The following ITGA10 variants were observed in gnomAD, a reference collection of about 807,000 sequenced individuals.
ITGA10 encodes the protein integrin alpha-10.
Under a neutral mutation model 145.2 loss-of-function variants are expected in ITGA10, and 105 were observed. That is an observed-to-expected ratio of 0.72 (90% CI 0.62 to 0.85). The LOEUF (loss-of-function observed/expected upper bound fraction) is 0.85, where lower values mean the gene tolerates loss of function less well. ITGA10 is among the 40% of genes least tolerant of loss of function. The pLI is 0.00. For missense variants in ITGA10, 1,317 were observed against 1,444.5 expected, an observed-to-expected ratio of 0.91 and a Z score of 1.43; for synonymous variants, 506 against 557.8, an observed-to-expected ratio of 0.91 and a Z score of 1.31.
At chr1:145,906,129 A>C in intron 5 of ITGA10, 1 of 335,980 alleles carries the variant, frequency 3.0e-6, no homozygotes, top group Non-Finnish European at 5.6e-6. Context: ...GAGTTTCACC[A>C]TGTTGGCCAG....
At position 145,900,950 on chromosome 1, in the gene ITGA10, G is replaced by A. The variant is rs782083233; in HGVS notation, c.1631C>T (p.Pro544Leu). 2 of 1,614,036 alleles carry A rather than the reference G, an allele frequency of 1.2e-6. No homozygotes were observed. Among genetic ancestry groups the A allele is most frequent in the South Asian group, 1.1e-5 (1 of 91,084 alleles). ...GGCAAAGCCAAACCGAGCATCCTGG[G>A]GGGGTTCTGGCTGAAGTGTTCCTTG... is the stretch of plus-strand genomic sequence containing the variant. ...TLQGTLQPEP[P>L]QDARFGFAMG... Residue 544 changes from proline to leucine, a missense_variant, in exon 14 of 30, where the codon CCC (proline) becomes CTC (leucine). Coordinates refer to ENST00000369304, the MANE Select transcript of ITGA10 (RefSeq NM_003637.5).
chr1:145,901,230 C>G lies in ITGA10; in HGVS notation c.1492G>C (p.Asp498His). ...ACAAGTAAGACATCAGTTGTTCCAT[C>G]CCTATCTGTATCCAATGGGCAGAGC... ...SELCPLDTDR[D>H]GTTDVLLVAA... Residue 498 changes from aspartate (D) to histidine (H), a missense_variant, in exon 13 of 30, where the codon GAT (aspartate) becomes CAT (histidine). Transcript: ENST00000369304. The surrounding 1 kb of genome is among the most constrained non-coding windows in gnomAD (Gnocchi z 4.3). The G allele has an allele frequency of 6.2e-7, 1 of 1,614,086 alleles. No homozygotes were observed. The highest frequency in any genetic ancestry group is 8.5e-7 in the Non-Finnish European group (1 of 1,180,012).
chr1:145,904,799 T>A lies in ITGA10; in HGVS notation c.494A>T (p.Tyr165Phe), dbSNP rs782133635. ...ATCCAAGACAATGACAACATCCATG[T>A]ATGTTGGGCAGCCTAGAAGGAAGGA... ...LAPTAQRCPT[Y>F]MDVVIVLDGS... is the part of the protein sequence containing the mutation. Residue 165 changes from tyrosine to phenylalanine, a missense_variant, in exon 6 of 30, where the codon TAC (tyrosine) becomes TTC (phenylalanine). Tyr to Phe is a conservative substitution (Grantham distance 22, BLOSUM62 3). Coordinates refer to ENST00000369304, the MANE Select transcript of ITGA10 (RefSeq NM_003637.5). The A allele has an allele frequency of 6.8e-6, 11 of 1,613,590 alleles. No homozygotes were observed. The Admixed American group carries it at 1.8e-4, about 27-fold the overall frequency.
At chr1:145,899,979 T>C in intron 15 of ITGA10, 78 bp downstream of exon 15, 1 of 1,453,336 alleles carries the variant, frequency 6.9e-7, no homozygotes, top group South Asian at 1.4e-5. Context: ...AAACCAAATC[T>C]CCATCTGTGA....
intron 7 of ITGA10, among the ~76,000 whole-genome samples, chr1:145,903,471 T>C (rs1559208238): frequency 6.6e-6 from 1 of 152,080 alleles, no homozygotes; most frequent in Non-Finnish European, 1.5e-5. Context: ...GAGACTTCTG[T>C]CTGTGAAATA....
rs782663102 is a variant in ITGA10, at chr1:145,900,165, G to A, written c.1814C>T (p.Pro605Leu). 6.2e-7 allele frequency: 1 copy of A among 1,613,550 alleles called. No individual in the cohort carries two copies. The change falls in exon 15 of 30, where the codon CCA becomes CTA. Residue 605 changes from proline to leucine, a missense_variant. Transcript: ENST00000369304. ...PAQRIAAASM[P>L]HALSYFGRSV... The stretch of plus-strand genomic sequence containing the variant: ...TCGGCCAAAGTAGCTGAGGGCATGT[G>A]GCATGGAGGCAGCAGCAATCCTCTG...
At chr1:145,904,536 T>C (rs781790313) in intron 6 of ITGA10, 148 bp downstream of exon 6, 6 of 844,978 alleles carry the variant, frequency 7.1e-6, no homozygotes, top group Non-Finnish European at 1.1e-5. Flanking sequence ...GCCTGGCTAT[T>C]TTTTTTTTCT....
In ITGA10 at chr1:145,904,664, C is replaced by T. The variant is rs782306346; in HGVS notation, c.609+20G>A. 4 of 1,613,534 alleles carry T rather than the reference C, an allele frequency of 2.5e-6. No homozygotes were observed. Among genetic ancestry groups the T allele is most frequent in the Non-Finnish European group, 3.4e-6 (4 of 1,179,654 alleles). On this transcript the variant is annotated intron_variant, in intron 6 of 29. Coordinates refer to ENST00000369304, the MANE Select transcript of ITGA10 (RefSeq NM_003637.5). ...AGGTGCCACAAGCAACTGTGCCCAG[C>T]TCATATTGCCTTCTCTTACCTGTAT...
At position 145,897,666 on chromosome 1, in the gene ITGA10, A is replaced by T; in HGVS notation, c.2433-13T>A. On this transcript the variant is annotated splice_polypyrimidine_tract_variant and intron_variant, in intron 19 of 29. Transcript: ENST00000369304. ...AAATGGGGCCTTCCTGGGAATGATG[A>T]ATGAGGGAGAGACCAGGAGTTGAAG... is the stretch of plus-strand genomic sequence containing the variant. 6.2e-7 allele frequency: 1 copy of T among 1,614,004 alleles called. No individual in the cohort carries two copies. The highest frequency in any genetic ancestry group is 1.3e-5 in the African/African-American group (1 of 74,968).
At chr1:145,894,697 T>G (rs1185852920) in intron 27 of ITGA10, among the ~76,000 whole-genome samples, 4 of 152,198 alleles carry the variant, frequency 2.6e-5, no homozygotes, top group Admixed American at 2.0e-4. Flanking sequence ...TCTCCCTGGC[T>G]TCAGAGGCCT....
rs151338211 is a variant in ITGA10 at position 145,902,591 on chromosome 1, C to T, written c.938G>A (p.Arg313Gln). ...AVLGHYLRRQRDPSSFLREIR... is the reference protein window; with the variant it reads ...AVLGHYLRRQQDPSSFLREIR... ...TTCTCTCAGGAAAGAGCTGGGATCTCGCTGCCGCCGGAGGTAGTGACCAAG... is the reference window on the plus strand; with the variant it reads ...TTCTCTCAGGAAAGAGCTGGGATCTTGCTGCCGCCGGAGGTAGTGACCAAG... Residue 313 changes from arginine to glutamine, a missense_variant, in exon 9 of 30, where the codon CGA becomes CAA. By Grantham distance (43) the Arg-to-Gln change is conservative (BLOSUM62 1). Coordinates refer to ENST00000369304, the MANE Select transcript of ITGA10 (RefSeq NM_003637.5). The T allele has an allele frequency of 6.2e-6, 10 of 1,609,724 alleles. No homozygotes were observed. The highest frequency in any genetic ancestry group is 3.3e-4 in the Middle Eastern group (2 of 6,070).
In ITGA10 at chr1:145,902,508, C is replaced by T. The variant is rs377123578; in HGVS notation, c.1021G>A (p.Ala341Thr). Residue 341 changes from alanine (A) to threonine (T), a missense_variant, in exon 9 of 30, where the codon GCT becomes ACT. By Grantham distance (58) the Ala-to-Thr change is moderately conservative (BLOSUM62 0). Transcript: ENST00000369304. ...ERFFFNVTDE[A>T]ALTDIVDALG... Reference sequence around the variant, plus strand: ...GCATCCACAATGTCAGTCAGAGCAGCCTCATCTGTGACATTGAAGAAGAAT... The same window carrying T: ...GCATCCACAATGTCAGTCAGAGCAGTCTCATCTGTGACATTGAAGAAGAAT... 6.2e-7 allele frequency: 1 copy of T among 1,613,838 alleles called. No individual in the cohort carries two copies. Among genetic ancestry groups the T allele is most frequent in the African/African-American group, 1.3e-5 (1 of 75,020 alleles).
intron 1 of ITGA10, among the ~76,000 whole-genome samples, chr1:145,908,374 T>TA (rs1178356555): frequency 6.6e-6 from 1 of 152,244 alleles, no homozygotes; most frequent in East Asian, 1.9e-4. Flanking sequence ...CCCACACACA[T>TA]AGTTTGCCAT....
intron 14 of ITGA10, 122 bp downstream of exon 14, chr1:145,900,668 C>A: frequency 1.0e-6 from 1 of 994,516 alleles, no homozygotes; most frequent in Non-Finnish European, 1.5e-6. Context: ...TATGTTTTTG[C>A]CTACTAATAA....
rs140492040 is a variant in ITGA10 at position 145,907,297 on chromosome 1, C to T, written c.164+57G>A. The T allele has an allele frequency of 7.6e-5, 123 of 1,613,552 alleles. No individual in the cohort carries two copies. The East Asian group carries it at 2.7e-3, about 35-fold the overall frequency. ...GTTTAGAGTCCCATCTATCTTGCCTCCCCTTTGTTAGCACTACTGCAGTCC... is the reference window on the plus strand; with the variant it reads ...GTTTAGAGTCCCATCTATCTTGCCTTCCCTTTGTTAGCACTACTGCAGTCC... On this transcript the variant is annotated intron_variant, in intron 2 of 29. Transcript: ENST00000369304.
intron 27 of ITGA10, 39 bp downstream of exon 27, chr1:145,895,241 G>T: frequency 7.0e-7 from 1 of 1,436,284 alleles, no homozygotes; most frequent in African/African-American, 1.4e-5. Context: ...GTTCCAGAAA[G>T]GAGCAGAAGT....
Position 145,897,738 on chromosome 1 carries a change from A to C in ITGA10, c.2432+77T>G, listed in dbSNP as rs1655638226. The C allele has an allele frequency of 4.3e-6, 7 of 1,610,548 alleles. No individual in the cohort carries two copies. The South Asian group carries it at 7.7e-5, about 18-fold the overall frequency. On this transcript the variant is annotated intron_variant, in intron 19 of 29. Transcript: ENST00000369304. ...ACTTTTGTTATCATGGGTAAGAAAC[A>C]ACCCCCTACCCGCCCTTCGAGTCCC...
chr1:145,907,058 C>T lies in ITGA10; in HGVS notation c.257G>A (p.Cys86Tyr), dbSNP rs1553751420. 1 of 1,557,370 alleles carries T rather than the reference C, an allele frequency of 6.4e-7. No homozygotes were observed. The highest frequency in any genetic ancestry group is 8.7e-7 in the Non-Finnish European group (1 of 1,149,602). ...CPVGGAHNAP[C>Y]AKGHLGDYQL... ...CTTCTCACCTAAGTGGCCCTTGGCA[C>T]ATGGGGCATTGTGGGCCCCCCCTAC... Residue 86 changes from cysteine to tyrosine, a missense_variant, in exon 3 of 30, where the codon TGT (cysteine) becomes TAT (tyrosine). Cys to Tyr is a radical substitution (Grantham distance 194). Coordinates refer to ENST00000369304, the MANE Select transcript of ITGA10 (RefSeq NM_003637.5).
Position 145,901,606 on chromosome 1 carries a change from A to G in ITGA10, c.1353T>C (p.Ala451=). The G allele has an allele frequency of 6.2e-7, 1 of 1,604,770 alleles. No homozygotes were observed. Among genetic ancestry groups the G allele is most frequent in the South Asian group, 1.1e-5 (1 of 89,868 alleles). ...RGGRRLFLSG[A]PRFRHRGKVI... Reference sequence around the variant, plus strand: ...CTTTTCCTCGATGTCTAAATCGAGGAGCCCCAGAGAGAAACAGGCGGCGTC... The same window carrying G: ...CTTTTCCTCGATGTCTAAATCGAGGGGCCCCAGAGAGAAACAGGCGGCGTC... The change falls in exon 12 of 30, where the codon GCT becomes GCC. Residue 451 remains alanine, a synonymous_variant. Coordinates refer to ENST00000369304, the MANE Select transcript of ITGA10 (RefSeq NM_003637.5). This position sits in a 1 kb window ranked among gnomAD's most constrained non-coding sequence, Gnocchi z 4.3.
Sources: allele counts gnomAD v4.1 joint callset (sites outside exome capture counted in the v4.1 genomes callset), GRCh38; gene constraint gnomAD v4.1.1; non-coding constraint Gnocchi (gnomAD v3.1); transcripts MANE v1.5; gene names NCBI Gene and HGNC (gene_info 2026-07-23, HGNC 2026-07-21).